Variants in RHCE observed in about 807,000 individuals in gnomAD.
The protein encoded by RHCE is Rh blood group CcEe antigens.
A neutral mutation model predicts 43.8 loss-of-function variants in RHCE; 22 were observed. The ratio of observed to expected loss-of-function variants is 0.50; its 90% CI spans 0.36 to 0.72. The LOEUF is 0.72. Ranked by LOEUF, RHCE falls within the 30% of genes least tolerant of loss-of-function variation. The pLI is 0.00. For synonymous variants in RHCE, 156 were observed against 210.7 expected, an observed-to-expected ratio of 0.74 and a Z score of 2.25; for missense variants, 385 against 525.4, an observed-to-expected ratio of 0.73 and a Z score of 2.61.
At chr1:25,382,430 A>C (rs1557608534) in intron 7 of RHCE, among the ~76,000 whole-genome samples, 1 of 147,498 alleles carries the variant, frequency 6.8e-6, no homozygotes, top group Non-Finnish European at 1.5e-5. Flanking sequence ...TTCTGGATAT[A>C]GCTTATACTA....
chr1:25,377,168 G>T (rs541292053), intron 7 of RHCE, among the ~76,000 whole-genome samples: 8 of 152,098 alleles, frequency 5.3e-5, no homozygotes, highest in Non-Finnish European at 1.0e-4. Flanking sequence ...ACTGAAAAAT[G>T]GAGTCAATTA....
chr1:25,427,903 C>T (rs1553162451), intron 2 of RHCE, among the ~76,000 whole-genome samples: 1 of 152,224 alleles, frequency 6.6e-6, no homozygotes, highest in Non-Finnish European at 1.5e-5. Flanking sequence ...GGGCTGGTGA[C>T]TCAACCAAGG....
chr1:25,390,040 C>G (rs892232978), intron 5 of RHCE, among the ~76,000 whole-genome samples: 6 of 152,080 alleles, frequency 3.9e-5, no homozygotes, highest in African/African-American at 7.2e-5. Flanking sequence ...TCCAGCCCCC[C>G]CAGTGCCTCC....
Position 25,362,411 on chromosome 1 carries a change from C to A in RHCE, c.*116G>T. The A allele has an allele frequency of 2.5e-6, 4 of 1,612,518 alleles. No individual in the cohort carries two copies. The highest frequency in any genetic ancestry group is 3.4e-6 in the Non-Finnish European group (4 of 1,179,196). Reference sequence around the variant, plus strand: ...ATCAAATCTGTCTCTGACCTTGTTTCATTATACATAAGGAGACTTTGCTGT... The same window carrying A: ...ATCAAATCTGTCTCTGACCTTGTTTAATTATACATAAGGAGACTTTGCTGT... On this transcript the variant is annotated 3_prime_UTR_variant, in exon 10 of 10. Transcript: ENST00000294413.
chr1:25,387,029 T>G (rs1367636439), intron 6 of RHCE, among the ~76,000 whole-genome samples: 2 of 152,156 alleles, frequency 1.3e-5, no homozygotes, highest in African/African-American at 2.4e-5. Context: ...AGACTCTGTC[T>G]CAATAAATAA....
chr1:25,417,821 C>T (rs1215783706), intron 1 of RHCE, among the ~76,000 whole-genome samples: 2 of 152,166 alleles, frequency 1.3e-5, no homozygotes, highest in Non-Finnish European at 2.9e-5. Context: ...GCCCTCGGGT[C>T]AATACTACAC....
At chr1:25,407,703 T>TATTAATAAGCGCCAATCTATTAAGC (rs1646957382) in intron 2 of RHCE, among the ~76,000 whole-genome samples, 1 of 123,684 alleles carries the variant, frequency 8.1e-6, no homozygotes, top group Non-Finnish European at 1.8e-5. Context: ...TTCTATTAAG[T>TATTAATAAGCGCCAATCTATTAAGC]GCCAATGCCC....
chr1:25,376,402 C>T (rs770899934), intron 7 of RHCE, among the ~76,000 whole-genome samples: 1 of 152,214 alleles, frequency 6.6e-6, no homozygotes, highest in Non-Finnish European at 1.5e-5. Flanking sequence ...TTTCCTATTT[C>T]TTGTCTCAAC....
upstream of RHCE, among the ~76,000 whole-genome samples, chr1:25,424,372 C>T (rs1205037831): frequency 5.9e-5 from 9 of 152,046 alleles, no homozygotes; most frequent in Non-Finnish European, 1.2e-4. Context: ...GGGAAGTTTT[C>T]CCTGACTGCC....
At chr1:25,418,500 GC>G (rs1177332833) in intron 1 of RHCE, among the ~76,000 whole-genome samples, 1 of 150,988 alleles carries the variant, frequency 6.6e-6, no homozygotes, top group African/African-American at 2.4e-5. Flanking sequence ...ATGGGGTTTT[GC>G]CATGTTGGCC....
chr1:25,417,119 C>G (rs1647589317), intron 1 of RHCE, among the ~76,000 whole-genome samples: 2 of 144,656 alleles, frequency 1.4e-5, no homozygotes, highest in African/African-American at 5.3e-5. Context: ...ATGTGCCTCT[C>G]TAACAGATAG....
At chr1:25,418,280 G>A (rs573480722) in intron 1 of RHCE, among the ~76,000 whole-genome samples, 2 of 152,216 alleles carry the variant, frequency 1.3e-5, no homozygotes, top group East Asian at 1.9e-4. Flanking sequence ...GCCCGCCTTG[G>A]CCTCCCAAAG....
chr1:25,395,586 T>C (rs1646512295), intron 3 of RHCE, among the ~76,000 whole-genome samples: 1 of 152,012 alleles, frequency 6.6e-6, no homozygotes, highest in South Asian at 2.1e-4. Context: ...TTACACTGAA[T>C]TCTCTTCATT....
At position 25,373,649 on chromosome 1, in the gene RHCE, A is replaced by C. The variant is rs1404646742; in HGVS notation, c.1153+1700T>G. Among the ~76,000 whole-genome samples the C allele has an allele frequency of 1.3e-5, 2 of 151,676 alleles. 1 individual carries two copies. The highest frequency in any genetic ancestry group is 3.9e-4 in the East Asian group (2 of 5,164). On this transcript the variant is annotated intron_variant, in intron 8 of 9. Transcript: ENST00000294413. ...CCATAATCCTTTCATTTTACAGAGA[A>C]GCTAACCAAGGCTCAGAGGGAGTGA...
intron 1 of RHCE, among the ~76,000 whole-genome samples, chr1:25,418,509 G>T (rs2042664172): frequency 6.6e-6 from 1 of 152,140 alleles, no homozygotes; most frequent in Admixed American, 6.5e-5. Flanking sequence ...TGCCATGTTG[G>T]CCAGGCTGGT....
chr1:25,423,947 C>T (rs1020193208), upstream of RHCE, among the ~76,000 whole-genome samples: 2 of 152,178 alleles, frequency 1.3e-5, no homozygotes, highest in African/African-American at 4.8e-5. Flanking sequence ...TACAGATGGC[C>T]TCCGACGTAC....
chr1:25,376,022 C>A (rs1223527211), intron 7 of RHCE, among the ~76,000 whole-genome samples: 1 of 152,074 alleles, frequency 6.6e-6, no homozygotes, highest in African/African-American at 2.4e-5. Flanking sequence ...AACTCCTGAC[C>A]TCAAGTGATC....
chr1:25,396,304 T>A (rs1262242511), intron 3 of RHCE, among the ~76,000 whole-genome samples: 2 of 152,310 alleles, frequency 1.3e-5, no homozygotes, highest in Middle Eastern at 3.4e-3. Context: ...CCACAAAAAA[T>A]ATGTATTTTT....
upstream of RHCE, chr1:25,420,991 T>C (rs2042753142): frequency 3.1e-6 from 2 of 649,652 alleles, no homozygotes; most frequent in Non-Finnish European, 5.2e-6. Context: ...ATGTATGTTT[T>C]CCAATATTGT....
Sources: allele counts gnomAD v4.1 joint callset (sites outside exome capture counted in the v4.1 genomes callset), GRCh38; gene constraint gnomAD v4.1.1; transcripts MANE v1.5; gene names NCBI Gene and HGNC (gene_info 2026-07-23, HGNC 2026-07-21).